The following TAFA1 variants were observed in gnomAD, a reference collection of about 807,000 sequenced individuals.
The protein encoded by TAFA1 is TAFA chemokine like family member 1.
In TAFA1, 4 loss-of-function variants were observed where a neutral mutation model predicts 18.5. The observed-to-expected ratio is 0.22, with a 90% confidence interval of 0.11 to 0.49. The LOEUF is 0.49. Ranked by LOEUF, TAFA1 falls within the 20% of genes least tolerant of loss-of-function variation. The pLI, the probability that TAFA1 is intolerant of heterozygous loss-of-function variation, is 0.98. For missense variants in TAFA1, 147 were observed against 169.0 expected (o/e 0.87, Z 0.72); for synonymous variants, 56 against 55.2 (o/e 1.01, Z -0.06).
At chr3:68,222,649 G>A (rs1382683128) in intron 2 of TAFA1, among the ~76,000 whole-genome samples, 1 of 151,770 alleles carries the variant, frequency 6.6e-6, no homozygotes, top group East Asian at 1.9e-4. Context: ...TCTGTTTTTG[G>A]GGAGGGTGGA....
At chr3:68,125,774 C>G (rs773559485) in intron 2 of TAFA1, among the ~76,000 whole-genome samples, 6 of 152,136 alleles carry the variant, frequency 3.9e-5, no homozygotes, top group Non-Finnish European at 4.4e-5. Flanking sequence ...ACATATAGTG[C>G]CTGCCTCGGG....
intron 2 of TAFA1, among the ~76,000 whole-genome samples, chr3:68,151,956 T>C (rs1266094624): frequency 6.6e-6 from 1 of 152,180 alleles, no homozygotes; most frequent in East Asian, 1.9e-4. Flanking sequence ...GAATTACCAA[T>C]AGACATCATT....
At chr3:68,217,407 G>T (rs1181899444) in intron 2 of TAFA1, among the ~76,000 whole-genome samples, 1 of 151,544 alleles carries the variant, frequency 6.6e-6, no homozygotes, top group East Asian at 1.9e-4. Context: ...AACTATCAAG[G>T]TCATAAAAAA....
chr3:68,080,916 T>G (rs943136166), intron 2 of TAFA1, among the ~76,000 whole-genome samples: 5 of 152,184 alleles, frequency 3.3e-5, no homozygotes, highest in Admixed American at 6.5e-5. Context: ...GTTTTCCAAC[T>G]TGGTTCCATT....
intron 2 of TAFA1, among the ~76,000 whole-genome samples, chr3:68,394,887 C>G (rs1388554343): frequency 6.6e-6 from 1 of 152,036 alleles, no homozygotes; most frequent in Non-Finnish European, 1.5e-5. Flanking sequence ...GATATAGGCA[C>G]TGGCAAAGAC....
chr3:68,484,131 T>G (rs2072290789), intron 3 of TAFA1, among the ~76,000 whole-genome samples: 1 of 152,256 alleles, frequency 6.6e-6, no homozygotes, highest in Admixed American at 6.5e-5. Flanking sequence ...CATTTCAACA[T>G]GTAATCAATA....
chr3:68,112,176 G>C (rs982364460), intron 2 of TAFA1, among the ~76,000 whole-genome samples: 6 of 152,060 alleles, frequency 3.9e-5, no homozygotes, highest in African/African-American at 1.4e-4. Context: ...TGTGGTCAGT[G>C]GGCCCCTCCC....
intron 3 of TAFA1, among the ~76,000 whole-genome samples, chr3:68,523,677 A>G (rs1447392492): frequency 6.6e-6 from 1 of 152,186 alleles, no homozygotes; most frequent in African/African-American, 2.4e-5. Context: ...ATAATAGATC[A>G]TTTTCATATT....
At chr3:68,509,500 CA>C (rs1475372464) in intron 3 of TAFA1, among the ~76,000 whole-genome samples, 1 of 151,796 alleles carries the variant, frequency 6.6e-6, no homozygotes, top group Non-Finnish European at 1.5e-5. Context: ...ACAGGAACAA[CA>C]AAAAACATTC....
intron 2 of TAFA1, among the ~76,000 whole-genome samples, chr3:68,341,605 A>G (rs1426544232): frequency 1.3e-5 from 2 of 152,192 alleles, no homozygotes; most frequent in Non-Finnish European, 2.9e-5. Context: ...GAAAAGGGCT[A>G]TTACCAATTT....
intron 2 of TAFA1, among the ~76,000 whole-genome samples, chr3:68,139,061 T>A (rs966581887): frequency 6.6e-6 from 1 of 152,190 alleles, no homozygotes; most frequent in African/African-American, 2.4e-5. Flanking sequence ...TTGTCCTATA[T>A]TTTAGATGTG....
chr3:68,166,077 T>G (rs958147198), intron 2 of TAFA1, among the ~76,000 whole-genome samples: 1 of 149,920 alleles, frequency 6.7e-6, no homozygotes, highest in Non-Finnish European at 1.5e-5. Flanking sequence ...TAGAAAATTC[T>G]GCGCAAAGTC....
At chr3:68,232,218 C>G (rs566824579) in intron 2 of TAFA1, among the ~76,000 whole-genome samples, 63 of 152,300 alleles carry the variant, frequency 4.1e-4, no homozygotes, top group African/African-American at 1.5e-3. Context: ...ATCCTCCTCT[C>G]CCTGCTACTC....
chr3:68,340,342 TG>T (rs1354096465), intron 2 of TAFA1, among the ~76,000 whole-genome samples: 4 of 152,238 alleles, frequency 2.6e-5, no homozygotes, highest in Admixed American at 1.3e-4. Flanking sequence ...ATAAGCTACA[TG>T]AAATCCATAT....
At chr3:68,325,308 C>T (rs1047083318) in intron 2 of TAFA1, among the ~76,000 whole-genome samples, 1 of 152,126 alleles carries the variant, frequency 6.6e-6, no homozygotes, top group Non-Finnish European at 1.5e-5. Context: ...AGTTAAGAGC[C>T]ACATCATCTG....
At chr3:68,478,267 C>T (rs1009073975) in intron 3 of TAFA1, among the ~76,000 whole-genome samples, 4 of 152,184 alleles carry the variant, frequency 2.6e-5, no homozygotes, top group African/African-American at 2.4e-5. Context: ...GTGATGTGCT[C>T]AAGGCACCTG....
chr3:68,363,138 C>T (rs1378348716), intron 2 of TAFA1, among the ~76,000 whole-genome samples: 2 of 152,028 alleles, frequency 1.3e-5, no homozygotes, highest in Non-Finnish European at 1.5e-5. Flanking sequence ...CAATCCTTGG[C>T]TCATGTTATT....
chr3:68,066,665 G>A (rs551057063), intron 2 of TAFA1, among the ~76,000 whole-genome samples: 134 of 152,292 alleles, frequency 8.8e-4, no homozygotes, highest in African/African-American at 3.1e-3. Flanking sequence ...TATTTCATGA[G>A]AGGAGCTGAC....
At chr3:68,158,718 T>G (rs189914187) in intron 2 of TAFA1, among the ~76,000 whole-genome samples, 1 of 152,236 alleles carries the variant, frequency 6.6e-6, no homozygotes, top group East Asian at 1.9e-4. Flanking sequence ...TTAACATTTT[T>G]TGGATCCTTT....
Sources: gnomAD v4.1 joint callset for allele counts (sites outside exome capture counted in the v4.1 genomes callset) on GRCh38, gnomAD v4.1.1 for gene constraint, MANE v1.5 for transcripts, NCBI Gene and HGNC (gene_info 2026-07-23, HGNC 2026-07-21) for gene names.